Variants in SGCD observed in about 807,000 individuals in gnomAD.
SGCD encodes the protein sarcoglycan delta.
A neutral mutation model predicts 36.6 loss-of-function variants in SGCD; 18 were observed. The observed-to-expected ratio is 0.49, with a 90% CI of 0.34 to 0.73. The LOEUF (loss-of-function observed/expected upper bound fraction) is 0.73. Among genes scored for constraint, SGCD ranks in the 30% least tolerant of loss-of-function variants. The pLI is 0.01. For missense variants in SGCD, 387 were observed against 346.7 expected (o/e 1.12, Z -0.92); for synonymous variants, 133 against 130.6 (o/e 1.02, Z -0.12).
chr5:155,828,026 A>C, the SGCD span, among the ~76,000 whole-genome samples: 1 of 151,938 alleles, frequency 6.6e-6, no homozygotes, highest in Non-Finnish European at 1.5e-5. Flanking sequence ...GTTACTAAGA[A>C]AGAGAGATGG....
chr5:156,524,906 A>C (rs1757580240), intron 4 of SGCD, among the ~76,000 whole-genome samples: 2 of 152,018 alleles, frequency 1.3e-5, no homozygotes, highest in Non-Finnish European at 1.5e-5. Context: ...AAAAATGACA[A>C]GATTTCTTCT....
chr5:156,400,349 G>T (rs1040315098), intron 3 of SGCD, among the ~76,000 whole-genome samples: 1 of 152,182 alleles, frequency 6.6e-6, no homozygotes, highest in Non-Finnish European at 1.5e-5. Context: ...TTGACTAAAG[G>T]TCTTATTAAA....
At chr5:156,390,586 C>T (rs796090332) in intron 3 of SGCD, among the ~76,000 whole-genome samples, 4 of 152,184 alleles carry the variant, frequency 2.6e-5, no homozygotes, top group African/African-American at 2.4e-5. Context: ...AAAGATCAGC[C>T]GGGTGTGGTG....
chr5:156,609,084 A>G (rs1047204771), intron 6 of SGCD, among the ~76,000 whole-genome samples: 2 of 151,614 alleles, frequency 1.3e-5, no homozygotes, highest in Non-Finnish European at 2.9e-5. Flanking sequence ...TGATCCTGTC[A>G]TGATGATGTT....
intron 1 of SGCD, among the ~76,000 whole-genome samples, chr5:155,951,210 T>C (rs1452280755): frequency 6.6e-6 from 1 of 152,140 alleles, no homozygotes; most frequent in Non-Finnish European, 1.5e-5. Context: ...ATATCTGCCA[T>C]ATTCACTGAA....
intron 7 of SGCD, among the ~76,000 whole-genome samples, chr5:156,655,065 G>GT (rs375758729): frequency 2.6e-5 from 4 of 151,684 alleles, no homozygotes; most frequent in East Asian, 1.9e-4. Flanking sequence ...ATTTTTGAGG[G>GT]TTTTTTTTCT....
intron 5 of SGCD, among the ~76,000 whole-genome samples, chr5:156,594,274 G>A (rs767201484): frequency 7.2e-5 from 11 of 152,154 alleles, no homozygotes; most frequent in Non-Finnish European, 1.5e-4. Context: ...TCCTTGTGCA[G>A]TATTACAGCT....
intron 4 of SGCD, among the ~76,000 whole-genome samples, chr5:156,563,587 CA>C (rs1376570396): frequency 7.2e-5 from 11 of 152,258 alleles, no homozygotes; most frequent in Non-Finnish European, 1.5e-5. Context: ...TCAAGTTCTT[CA>C]GACTAAATTA....
At chr5:155,737,797 A>G in the SGCD span, among the ~76,000 whole-genome samples, 2 of 152,110 alleles carry the variant, frequency 1.3e-5, no homozygotes, top group African/African-American at 4.8e-5. Flanking sequence ...CACTCATAGT[A>G]TATTCCCTTT....
intron 3 of SGCD, among the ~76,000 whole-genome samples, chr5:156,504,192 A>C (rs1288361121): frequency 1.3e-5 from 2 of 151,268 alleles, no homozygotes; most frequent in African/African-American, 4.9e-5. Flanking sequence ...TGACAAGAGC[A>C]AAAAAGCTCT....
the SGCD span, among the ~76,000 whole-genome samples, chr5:155,793,099 G>A: frequency 6.6e-6 from 1 of 152,054 alleles, no homozygotes; most frequent in Non-Finnish European, 1.5e-5. Context: ...TCATATCCTT[G>A]GAAACAACAG....
At chr5:155,945,145 T>G (rs1757414036) in intron 1 of SGCD, among the ~76,000 whole-genome samples, 1 of 152,200 alleles carries the variant, frequency 6.6e-6, no homozygotes, top group Non-Finnish European at 1.5e-5. Flanking sequence ...ATGAAAATTT[T>G]GAGAACCAAT....
At chr5:155,769,694 A>G in the SGCD span, among the ~76,000 whole-genome samples, 4 of 152,200 alleles carry the variant, frequency 2.6e-5, no homozygotes, top group Non-Finnish European at 5.9e-5. Context: ...GCCTCAAAGT[A>G]TCTTTCATGC....
intron 6 of SGCD, among the ~76,000 whole-genome samples, chr5:156,622,146 A>G (rs1762275099): frequency 6.6e-6 from 1 of 152,110 alleles, no homozygotes; most frequent in Non-Finnish European, 1.5e-5. Flanking sequence ...TAAATCATGT[A>G]GGAGGGCCAG....
the SGCD span, among the ~76,000 whole-genome samples, chr5:155,827,593 C>A: frequency 1.3e-5 from 2 of 151,020 alleles, no homozygotes; most frequent in African/African-American, 2.4e-5. Context: ...ATTTCACAAG[C>A]TTTCTGTTAA....
chr5:155,981,474 G>T (rs1224610045), intron 1 of SGCD, among the ~76,000 whole-genome samples: 1 of 152,132 alleles, frequency 6.6e-6, no homozygotes, highest in Non-Finnish European at 1.5e-5. Context: ...GAATTTACTT[G>T]TATTTATGAC....
At chr5:156,103,483 GT>G (rs1297236641) in intron 1 of SGCD, among the ~76,000 whole-genome samples, 1 of 152,000 alleles carries the variant, frequency 6.6e-6, no homozygotes, top group African/African-American at 2.4e-5. Flanking sequence ...AAAATTAAAT[GT>G]TTCCATTTTA....
intron 3 of SGCD, among the ~76,000 whole-genome samples, chr5:156,486,475 G>A (rs1394729801): frequency 6.6e-6 from 1 of 152,030 alleles, no homozygotes; most frequent in Non-Finnish European, 1.5e-5. Context: ...TGGCCCTGCT[G>A]GATGTCCTTT....
the SGCD span, among the ~76,000 whole-genome samples, chr5:155,761,938 A>G: frequency 2.0e-5 from 3 of 152,196 alleles, no homozygotes; most frequent in African/African-American, 2.4e-5. Flanking sequence ...CTATATGCCA[A>G]AAAATGTGCT....
Sources: allele counts gnomAD v4.1 joint callset (sites outside exome capture counted in the v4.1 genomes callset), GRCh38; gene constraint gnomAD v4.1.1; transcripts MANE v1.5; gene names NCBI Gene and HGNC (gene_info 2026-07-23, HGNC 2026-07-21).